IL1RAPL2: variants seen among roughly 807,000 people sequenced by gnomAD.
IL1RAPL2 encodes interleukin 1 receptor accessory protein like 2, also known as X-linked interleukin-1 receptor accessory protein-like 2.
In IL1RAPL2, 3 loss-of-function variants were observed where a neutral mutation model predicts 44.1. The observed-to-expected ratio is 0.07, with a 90% CI of 0.03 to 0.18. The LOEUF is 0.18. Ranked by LOEUF, IL1RAPL2 falls within the 10% of genes least tolerant of loss-of-function variation. IL1RAPL2 has a pLI of 1.00. For missense variants in IL1RAPL2, 391 were observed against 496.4 expected (o/e 0.79, Z 2.02); for synonymous variants, 181 against 178.8 (o/e 1.01, Z -0.10).
chrX:104,782,853 G>A (rs1932781513), intron 2 of IL1RAPL2, among the ~76,000 whole-genome samples: 1 of 111,874 alleles, frequency 8.9e-6, no homozygotes, highest in Admixed American at 9.5e-5. Flanking sequence ...TATTTGAGTT[G>A]CAAATATAAA....
At chrX:104,895,433 C>G (rs776151477) in intron 2 of IL1RAPL2, among the ~76,000 whole-genome samples, 1 of 112,662 alleles carries the variant, frequency 8.9e-6, no homozygotes, top group East Asian at 2.8e-4. Context: ...TGGGCTCCAC[C>G]CAGTTCAAGC....
intron 5 of IL1RAPL2, among the ~76,000 whole-genome samples, chrX:105,320,952 C>T (rs769619295): frequency 1.8e-5 from 2 of 111,489 alleles, no homozygotes; most frequent in African/African-American, 6.5e-5. Flanking sequence ...TCTTTCCAGT[C>T]TCTGACTGGG....
chrX:105,743,208 G>A (rs1457078580), intron 8 of IL1RAPL2, among the ~76,000 whole-genome samples: 1 of 111,580 alleles, frequency 9.0e-6, no homozygotes, highest in Non-Finnish European at 1.9e-5. Flanking sequence ...GTAAGGTCAT[G>A]TTATTCCCCT....
In IL1RAPL2 at chrX:104,653,405, A is replaced by T. The variant is rs1398821021; in HGVS notation, c.-19-5490A>T. Among the ~76,000 whole-genome samples, 7 of 111,070 alleles carry T rather than the reference A, an allele frequency of 6.3e-5. No homozygotes were observed. The East Asian group carries it at 2.0e-3, about 32-fold the overall frequency. On this transcript the variant is annotated intron_variant, in intron 1 of 10. Coordinates refer to ENST00000372582, the MANE Select transcript of IL1RAPL2 (RefSeq NM_017416.2). Reference sequence around the variant, plus strand: ...GTCCTCTTGTCATCTGGAAATCTCCAATATCCCACCTCTCCCGAGGGTTCT... The same window carrying T: ...GTCCTCTTGTCATCTGGAAATCTCCTATATCCCACCTCTCCCGAGGGTTCT...
chrX:104,971,149 A>C (rs1022429978), intron 2 of IL1RAPL2, among the ~76,000 whole-genome samples: 7 of 110,965 alleles, frequency 6.3e-5, no homozygotes, highest in Non-Finnish European at 1.1e-4. Context: ...GGAGTTCGAG[A>C]CCAGCTTGGC....
At chrX:104,685,963 T>G (rs1930980977) in intron 2 of IL1RAPL2, among the ~76,000 whole-genome samples, 1 of 109,084 alleles carries the variant, frequency 9.2e-6, no homozygotes, top group African/African-American at 3.3e-5. Flanking sequence ...AATAAATAAA[T>G]AATAAAAACT....
intron 2 of IL1RAPL2, among the ~76,000 whole-genome samples, chrX:104,962,070 GGCT>G (rs201229353): frequency 0.019 from 2,081 of 112,073 alleles, 50 homozygotes; most frequent in African/African-American, 0.062. Context: ...GGCCTTCACA[GGCT>G]AAAATGTTTC....
At chrX:104,861,408 CAGACATACTGAAAAATAAAATAT>C (rs1405950337) in intron 2 of IL1RAPL2, among the ~76,000 whole-genome samples, 1 of 111,389 alleles carries the variant, frequency 9.0e-6, no homozygotes, top group Non-Finnish European at 1.9e-5. Flanking sequence ...TAGTGGAAGA[CAGACATACTGAAAAATAAAATAT>C]AGACTATCCT....
intron 1 of IL1RAPL2, among the ~76,000 whole-genome samples, chrX:104,635,947 C>T (rs1929792980): frequency 1.8e-5 from 2 of 111,858 alleles, no homozygotes; most frequent in Non-Finnish European, 3.8e-5. Context: ...AGTTTTTCTG[C>T]TCTGTTTTTT....
intron 2 of IL1RAPL2, among the ~76,000 whole-genome samples, chrX:104,703,854 A>T (rs1210447966): frequency 8.9e-6 from 1 of 112,376 alleles, no homozygotes; most frequent in Non-Finnish European, 1.9e-5. Context: ...GTCAGATTCC[A>T]AACCTTCAAC....
intron 2 of IL1RAPL2, among the ~76,000 whole-genome samples, chrX:105,114,037 G>A (rs2032827608): frequency 8.9e-6 from 1 of 111,830 alleles, no homozygotes; most frequent in Non-Finnish European, 1.9e-5. Context: ...AGGACTAAAT[G>A]TTTATGCTCC....
intron 2 of IL1RAPL2, among the ~76,000 whole-genome samples, chrX:105,105,791 T>C (rs1455193318): frequency 8.9e-6 from 1 of 112,242 alleles, no homozygotes; most frequent in African/African-American, 3.2e-5. Flanking sequence ...AACTTGAACC[T>C]TATACATGAT....
At chrX:105,340,269 T>C (rs1372077696) in intron 5 of IL1RAPL2, among the ~76,000 whole-genome samples, 6 of 111,349 alleles carry the variant, frequency 5.4e-5, no homozygotes, top group Non-Finnish European at 1.1e-4. Flanking sequence ...TCTTCTTTTC[T>C]CCCACAGCAC....
intron 2 of IL1RAPL2, among the ~76,000 whole-genome samples, chrX:104,916,476 G>A (rs879150259): frequency 4.9e-4 from 55 of 111,368 alleles, no homozygotes; most frequent in African/African-American, 9.1e-4. Flanking sequence ...GGGCTGAGAC[G>A]ATGGGGTTTT....
intron 6 of IL1RAPL2, among the ~76,000 whole-genome samples, chrX:105,674,382 C>A (rs1333484505): frequency 8.9e-6 from 1 of 111,849 alleles, no homozygotes. Context: ...CAATTTTGAA[C>A]AAATGGATAG....
chrX:105,038,762 T>A (rs893768836), intron 2 of IL1RAPL2, among the ~76,000 whole-genome samples: 2 of 110,824 alleles, frequency 1.8e-5, no homozygotes, highest in Non-Finnish European at 1.9e-5. Flanking sequence ...ATATGATTAG[T>A]GACTGAACCT....
chrX:104,685,808 G>C (rs1930975844), intron 2 of IL1RAPL2, among the ~76,000 whole-genome samples: 1 of 110,025 alleles, frequency 9.1e-6, no homozygotes, highest in Admixed American at 9.7e-5. Flanking sequence ...GGCGCTTGTA[G>C]TACCAGCTAC....
At chrX:105,575,472 C>T (rs911120338) in intron 6 of IL1RAPL2, among the ~76,000 whole-genome samples, 4 of 112,062 alleles carry the variant, frequency 3.6e-5, no homozygotes, top group African/African-American at 9.7e-5. Context: ...TGGCCTCCAG[C>T]TCTGTCCATG....
intron 2 of IL1RAPL2, among the ~76,000 whole-genome samples, chrX:104,984,122 G>A (rs2030517193): frequency 1.8e-5 from 2 of 111,202 alleles, no homozygotes; most frequent in Non-Finnish European, 3.8e-5. Flanking sequence ...GGAAGCAGAG[G>A]AAATATAATT....
Sources: gnomAD v4.1 joint callset for allele counts (sites outside exome capture counted in the v4.1 genomes callset) on GRCh38, gnomAD v4.1.1 for gene constraint, MANE v1.5 for transcripts, NCBI Gene and HGNC (gene_info 2026-07-23, HGNC 2026-07-21) for gene names.